Variants in CSMD1 observed in about 807,000 individuals in gnomAD.
The protein encoded by CSMD1 is CUB and sushi domain-containing protein 1.
In CSMD1, 213 loss-of-function variants were observed where a neutral mutation model predicts 417.5. That is an observed-to-expected ratio of 0.51 (90% confidence interval 0.46 to 0.57). The LOEUF (loss-of-function observed/expected upper bound fraction) is 0.57. Ranked by LOEUF, CSMD1 falls within the 20% of genes least tolerant of loss-of-function variation. CSMD1 has a pLI of 0.00. For synonymous variants in CSMD1, 2,862 were observed against 1,736.8 expected, an observed-to-expected ratio of 1.65 and a Z score of -16.11; for missense variants, 6,923 against 4,529.7, an observed-to-expected ratio of 1.53 and a Z score of -15.17.
intron 3 of CSMD1, among the ~76,000 whole-genome samples, chr8:4,257,076 T>A (rs551384295): frequency 6.6e-6 from 1 of 152,252 alleles, no homozygotes; most frequent in South Asian, 2.1e-4. Flanking sequence ...GACAGTCTCT[T>A]CTTAGAACTT....
At chr8:3,816,495 A>G (rs1432768651) in intron 5 of CSMD1, among the ~76,000 whole-genome samples, 1 of 152,180 alleles carries the variant, frequency 6.6e-6, no homozygotes, top group Non-Finnish European at 1.5e-5. Flanking sequence ...TAATTTATAA[A>G]TTAAACTTCC....
At chr8:4,299,720 T>TC (rs757794097) in intron 3 of CSMD1, among the ~76,000 whole-genome samples, 6 of 152,086 alleles carry the variant, frequency 3.9e-5, no homozygotes, top group Non-Finnish European at 5.9e-5. Flanking sequence ...AACCCCTGAC[T>TC]CCCCATTTCA....
intron 3 of CSMD1, among the ~76,000 whole-genome samples, chr8:4,083,161 C>G (rs1033619428): frequency 1.6e-4 from 24 of 152,084 alleles, no homozygotes; most frequent in Admixed American, 3.9e-4. Flanking sequence ...AATGGTATTT[C>G]TGGTTCTAGA....
At chr8:4,095,446 T>G (rs1440649230) in intron 3 of CSMD1, among the ~76,000 whole-genome samples, 1 of 152,228 alleles carries the variant, frequency 6.6e-6, no homozygotes, top group African/African-American at 2.4e-5. Context: ...AGTTCTTTCT[T>G]GCAATTTGAG....
rs550800888 is a variant in CSMD1, at chr8:4,866,640, T to A, written c.85+127692A>T. On this transcript the variant is annotated intron_variant, in intron 1 of 69. Transcript: ENST00000635120. ...GTCATAACCTCAAATGAGATTCATA[T>A]GCTGGTTCTAATGCTCTCTTCTCTT... is the stretch of plus-strand genomic sequence containing the variant. Among the ~76,000 whole-genome samples, 13 of 152,018 alleles carry A rather than the reference T, an allele frequency of 8.6e-5. No individual in the cohort carries two copies. The South Asian group carries it at 2.5e-3, about 29-fold the overall frequency.
At chr8:3,775,262 G>A (rs1798836127) in intron 5 of CSMD1, among the ~76,000 whole-genome samples, 1 of 152,136 alleles carries the variant, frequency 6.6e-6, no homozygotes, top group African/African-American at 2.4e-5. Flanking sequence ...TTAAACATTG[G>A]AAGATTTAAA....
At chr8:3,911,020 C>T (rs1463074890) in intron 5 of CSMD1, among the ~76,000 whole-genome samples, 1 of 152,130 alleles carries the variant, frequency 6.6e-6, no homozygotes, top group African/African-American at 2.4e-5. Context: ...TATTCAGGGG[C>T]TGCCCAGCTA....
At chr8:4,841,911 C>CAAACAAAACAAAAAAAAAAAAAAA (rs779855887) in intron 1 of CSMD1, among the ~76,000 whole-genome samples, 3 of 34,850 alleles carry the variant, frequency 8.6e-5, no homozygotes, top group Non-Finnish European at 1.3e-4. Flanking sequence ...AACTCCGTCT[C>CAAACAAAACAAAAAAAAAAAAAAA]AAAAAAAAAA....
intron 3 of CSMD1, among the ~76,000 whole-genome samples, chr8:4,300,691 A>C (rs74663062): frequency 6.6e-6 from 1 of 152,036 alleles, no homozygotes; most frequent in East Asian, 1.9e-4. Context: ...ACACTCTCCC[A>C]ACCCCACAAC....
intron 10 of CSMD1, among the ~76,000 whole-genome samples, chr8:3,531,174 G>A (rs1797965222): frequency 6.6e-6 from 1 of 152,026 alleles, no homozygotes. Context: ...ACTACTTTAA[G>A]AAAATAAGCA....
chr8:4,771,192 G>A (rs1232270122), intron 1 of CSMD1, among the ~76,000 whole-genome samples: 1 of 152,190 alleles, frequency 6.6e-6, no homozygotes, highest in South Asian at 2.1e-4. Flanking sequence ...AGAAATGGAG[G>A]CCGCTTTGCC....
chr8:3,252,627 G>A (rs1284795867), intron 26 of CSMD1, among the ~76,000 whole-genome samples: 2 of 152,164 alleles, frequency 1.3e-5, no homozygotes, highest in Non-Finnish European at 2.9e-5. Flanking sequence ...AATAGTTTCA[G>A]AAGGAATGGT....
At position 2,950,155 on chromosome 8, in the gene CSMD1, T is replaced by A; in HGVS notation, c.10314+76A>T. The A allele has an allele frequency of 1.1e-5, 11 of 958,252 alleles. No individual in the cohort carries two copies. In the South Asian group the frequency reaches 1.5e-4, roughly 13 times the overall value. 59.4% of individuals were successfully genotyped at this position (958,252 alleles called of 1,614,324 possible). A position where few individuals can be genotyped will look rare whatever the true frequency, so the allele number is the denominator to read the frequency against. ...GACAGCTCTACTCAGAAGCCTCCAA[T>A]CCGTAGCCCTTGCATCTGCACAGAG... On this transcript the variant is annotated intron_variant, in intron 67 of 69. Coordinates refer to ENST00000635120, the MANE Select transcript of CSMD1 (RefSeq NM_033225.6).
At chr8:4,224,453 C>A (rs530705202) in intron 3 of CSMD1, among the ~76,000 whole-genome samples, 1 of 151,962 alleles carries the variant, frequency 6.6e-6, no homozygotes, top group Admixed American at 6.5e-5. Context: ...TCTCAGAGGC[C>A]AGGTTGGGGA....
intron 1 of CSMD1, among the ~76,000 whole-genome samples, chr8:4,906,980 A>C (rs988734716): frequency 1.3e-5 from 2 of 152,198 alleles, no homozygotes; most frequent in South Asian, 4.1e-4. Flanking sequence ...ATATAGCACA[A>C]TTGTACTTAT....
intron 1 of CSMD1, among the ~76,000 whole-genome samples, chr8:4,959,061 G>A (rs1326059323): frequency 6.6e-6 from 1 of 152,106 alleles, no homozygotes; most frequent in Non-Finnish European, 1.5e-5. Flanking sequence ...TCATCAAATG[G>A]AAGATGATTT....
chr8:3,300,646 C>A (rs1026633967), intron 25 of CSMD1, among the ~76,000 whole-genome samples: 2 of 152,024 alleles, frequency 1.3e-5, no homozygotes, highest in African/African-American at 4.8e-5. Context: ...CTTGTCACAT[C>A]ATTATGTACA....
intron 3 of CSMD1, among the ~76,000 whole-genome samples, chr8:4,366,798 G>A (rs972873060): frequency 2.6e-5 from 4 of 152,020 alleles, no homozygotes; most frequent in African/African-American, 9.7e-5. Flanking sequence ...ATGCTGCTGT[G>A]CTGCACCCAT....
intron 5 of CSMD1, among the ~76,000 whole-genome samples, chr8:3,971,559 T>C (rs1201352109): frequency 1.3e-5 from 2 of 152,142 alleles, no homozygotes; most frequent in Non-Finnish European, 2.9e-5. Context: ...CAATGAAAAA[T>C]TAAAAAATTA....
Sources: allele counts gnomAD v4.1 joint callset (sites outside exome capture counted in the v4.1 genomes callset), GRCh38; gene constraint gnomAD v4.1.1; transcripts MANE v1.5; gene names NCBI Gene and HGNC (gene_info 2026-07-23, HGNC 2026-07-21).